Variants in SEMA3E observed in about 807,000 individuals in gnomAD.
SEMA3E encodes the protein semaphorin 3E.
A neutral mutation model predicts 93.6 loss-of-function variants in SEMA3E; 49 were observed. That is an observed-to-expected ratio of 0.52 (90% confidence interval 0.42 to 0.66). SEMA3E has a LOEUF of 0.66. SEMA3E is among the 30% of genes least tolerant of loss of function. The pLI, the probability that SEMA3E is intolerant of heterozygous loss-of-function variation, is 0.00. For missense variants in SEMA3E, 906 were observed against 964.8 expected, an observed-to-expected ratio of 0.94 and a Z score of 0.81; for synonymous variants, 363 against 330.7, an observed-to-expected ratio of 1.10 and a Z score of -1.06.
At chr7:83,600,294 A>G (rs925687723) in intron 1 of SEMA3E, among the ~76,000 whole-genome samples, 1 of 151,480 alleles carries the variant, frequency 6.6e-6, no homozygotes, top group African/African-American at 2.4e-5. Context: ...GCATCTGGGA[A>G]TTATCAGGAC....
chr7:83,487,620 A>T (rs1790289507), intron 2 of SEMA3E, among the ~76,000 whole-genome samples: 1 of 151,742 alleles, frequency 6.6e-6, no homozygotes, highest in Non-Finnish European at 1.5e-5. Context: ...TTAGGATTGA[A>T]GCTGGAAAGA....
intron 2 of SEMA3E, among the ~76,000 whole-genome samples, chr7:83,470,612 C>A (rs1789870882): frequency 6.6e-6 from 1 of 152,066 alleles, no homozygotes; most frequent in Admixed American, 6.5e-5. Flanking sequence ...TTATTTCCAT[C>A]CCCCAGGAGG....
chr7:83,501,299 A>T (rs7791887), intron 1 of SEMA3E, among the ~76,000 whole-genome samples: 112,011 of 152,208 alleles, frequency 0.74, 41,988 homozygotes, highest in Middle Eastern at 0.84. Context: ...AATGTGTACA[A>T]AAGTGTAATG....
chr7:83,468,447 G>T (rs2115887754), intron 3 of SEMA3E, among the ~76,000 whole-genome samples: 1 of 152,308 alleles, frequency 6.6e-6, no homozygotes, highest in East Asian at 1.9e-4. Context: ...TCAGCATCAT[G>T]CTGTGGGCTA....
chr7:83,403,416 G>A (rs981446192), intron 9 of SEMA3E, among the ~76,000 whole-genome samples: 12 of 151,728 alleles, frequency 7.9e-5, no homozygotes, highest in Middle Eastern at 3.4e-3. Flanking sequence ...CAGAACTAGC[G>A]GAAAGCAAAA....
chr7:83,618,032 T>C (rs2115616299), intron 1 of SEMA3E, among the ~76,000 whole-genome samples: 1 of 152,222 alleles, frequency 6.6e-6, no homozygotes, highest in African/African-American at 2.4e-5. Flanking sequence ...TTTGCTTTAC[T>C]CATCACCTAC....
chr7:83,524,437 A>T (rs35862308), intron 1 of SEMA3E, among the ~76,000 whole-genome samples: 1 of 151,912 alleles, frequency 6.6e-6, no homozygotes, highest in South Asian at 2.1e-4. Context: ...AATTCCAAAT[A>T]GTTTCATTAC....
intron 16 of SEMA3E, among the ~76,000 whole-genome samples, chr7:83,383,282 GATTTGATAAGAAAGTGATTTCTTATCAA>G (rs1787814687): frequency 1.3e-5 from 2 of 149,336 alleles, no homozygotes; most frequent in South Asian, 4.3e-4. Context: ...TCAAAATAAA[GATTTGATAAGAAAGTGATTTCTTATCAA>G]AATAAAGATT....
intron 1 of SEMA3E, among the ~76,000 whole-genome samples, chr7:83,559,745 T>C (rs1791989613): frequency 6.6e-6 from 1 of 152,090 alleles, no homozygotes; most frequent in Non-Finnish European, 1.5e-5. Context: ...ACTGAAAATG[T>C]ATATCCACAC....
At chr7:83,465,067 G>T (rs376948054) in intron 4 of SEMA3E, among the ~76,000 whole-genome samples, 2 of 151,550 alleles carry the variant, frequency 1.3e-5, no homozygotes, top group Admixed American at 6.6e-5. Flanking sequence ...ATGACATTCC[G>T]CCACAAAAGA....
At chr7:83,383,978 TAACTC>T (rs1787832216) in intron 16 of SEMA3E, among the ~76,000 whole-genome samples, 1 of 152,032 alleles carries the variant, frequency 6.6e-6, no homozygotes, top group Non-Finnish European at 1.5e-5. Flanking sequence ...ATCAACAACT[TAACTC>T]AGTGCAATAT....
At chr7:83,425,743 T>A (rs1363342100) in intron 4 of SEMA3E, among the ~76,000 whole-genome samples, 1 of 152,064 alleles carries the variant, frequency 6.6e-6, no homozygotes, top group Non-Finnish European at 1.5e-5. Context: ...CCTAAACAAG[T>A]CGGACCTAAA....
In SEMA3E at chr7:83,405,354, G is replaced by T. The variant is rs28489108; in HGVS notation, c.998+96C>A. ...TGTAGAAAATGAGAAGAGCAACTGG[G>T]TCAATAGTCTTTCAACTTATATACA... On this transcript the variant is annotated intron_variant, in intron 9 of 16. Transcript: ENST00000643230. The T allele has an allele frequency of 5.0e-5, 44 of 873,032 alleles. No individual in the cohort carries two copies. In the East Asian group the frequency reaches 1.0e-3, roughly 21 times the overall value. The allele number at this position is 873,032 out of a possible 1,614,324, so 54.1% of individuals were successfully genotyped here. A position where few individuals can be genotyped will look rare whatever the true frequency, so the allele number is the denominator to read the frequency against.
At chr7:83,466,827 T>C (rs1236742331) in intron 3 of SEMA3E, among the ~76,000 whole-genome samples, 1 of 152,102 alleles carries the variant, frequency 6.6e-6, no homozygotes, top group East Asian at 1.9e-4. Context: ...CATTTTATAA[T>C]GAGACTGCAT....
At chr7:83,520,868 A>C (rs907677494) in intron 1 of SEMA3E, among the ~76,000 whole-genome samples, 77 of 152,288 alleles carry the variant, frequency 5.1e-4, no homozygotes, top group African/African-American at 1.8e-3. Context: ...CCTAGAGAAT[A>C]AGCTGGAATA....
At chr7:83,612,012 G>C (rs1221078663) in intron 1 of SEMA3E, among the ~76,000 whole-genome samples, 2 of 152,068 alleles carry the variant, frequency 1.3e-5, no homozygotes, top group Non-Finnish European at 2.9e-5. Context: ...TTCACAGAAG[G>C]TATTCTAATG....
At chr7:83,454,977 G>A (rs1789452142) in intron 4 of SEMA3E, among the ~76,000 whole-genome samples, 1 of 152,086 alleles carries the variant, frequency 6.6e-6, no homozygotes, top group Non-Finnish European at 1.5e-5. Flanking sequence ...TATTTTCAGA[G>A]AGATTTGTAC....
chr7:83,380,398 T>C (rs2116909394), intron 16 of SEMA3E, among the ~76,000 whole-genome samples: 1 of 152,074 alleles, frequency 6.6e-6, no homozygotes, highest in East Asian at 1.9e-4. Context: ...ACAGTCAAGC[T>C]AAGTTGTTCT....
At chr7:83,608,163 A>T (rs1328655416) in intron 1 of SEMA3E, among the ~76,000 whole-genome samples, 3 of 152,096 alleles carry the variant, frequency 2.0e-5, no homozygotes, top group Non-Finnish European at 4.4e-5. Context: ...CAGTAAGCCA[A>T]GATCATGCCA....
Sources: gnomAD v4.1 joint callset for allele counts (sites outside exome capture counted in the v4.1 genomes callset) on GRCh38, gnomAD v4.1.1 for gene constraint, MANE v1.5 for transcripts, NCBI Gene and HGNC (gene_info 2026-07-23, HGNC 2026-07-21) for gene names.